The following SPATA16 variants were observed in gnomAD, a reference collection of about 807,000 sequenced individuals.
SPATA16 encodes the protein spermatogenesis associated 16.
Under a neutral mutation model 63.3 loss-of-function variants are expected in SPATA16, and 36 were observed. That is an observed-to-expected ratio of 0.57 (90% CI 0.44 to 0.75). SPATA16 has a LOEUF of 0.75. Ranked by LOEUF, SPATA16 falls within the 30% of genes least tolerant of loss-of-function variation. The pLI, the probability that SPATA16 is intolerant of heterozygous loss-of-function variation, is 0.00. For missense variants in SPATA16, 646 were observed against 679.3 expected (o/e 0.95, Z 0.54); for synonymous variants, 203 against 216.7 (o/e 0.94, Z 0.56).
chr3:173,132,357 A>G (rs1452154634), intron 1 of SPATA16, among the ~76,000 whole-genome samples: 1 of 152,212 alleles, frequency 6.6e-6, no homozygotes, highest in Admixed American at 6.5e-5. Flanking sequence ...AACAGAGTAT[A>G]GTTGGATCCC....
At chr3:173,132,080 G>A (rs1738401265) in intron 1 of SPATA16, among the ~76,000 whole-genome samples, 1 of 152,082 alleles carries the variant, frequency 6.6e-6, no homozygotes, top group Non-Finnish European at 1.5e-5. Flanking sequence ...TGACAAGAGA[G>A]TGAGAAATGA....
At chr3:172,914,593 A>T (rs998047741) in intron 9 of SPATA16, among the ~76,000 whole-genome samples, 6 of 152,156 alleles carry the variant, frequency 3.9e-5, no homozygotes, top group Non-Finnish European at 7.4e-5. Flanking sequence ...CATACAGGGT[A>T]TTACTAGGAT....
At chr3:172,964,350 C>G (rs999902424) in intron 5 of SPATA16, among the ~76,000 whole-genome samples, 2 of 152,166 alleles carry the variant, frequency 1.3e-5, no homozygotes, top group Non-Finnish European at 2.9e-5. Flanking sequence ...TCTATAGACC[C>G]TGAATAATTT....
At chr3:173,072,382 A>G (rs991009701) in intron 2 of SPATA16, among the ~76,000 whole-genome samples, 1 of 152,086 alleles carries the variant, frequency 6.6e-6, no homozygotes, top group Non-Finnish European at 1.5e-5. Flanking sequence ...ATGAATACAA[A>G]GGTGGTGATA....
chr3:172,960,875 C>CTTTCTTTTTTTCTTTCTT (rs139523157), intron 5 of SPATA16, among the ~76,000 whole-genome samples: 1 of 142,182 alleles, frequency 7.0e-6, no homozygotes, highest in African/African-American at 2.7e-5. Context: ...CTTTCTTTCT[C>CTTTCTTTTTTTCTTTCTT]TCTTTCTTTC....
At chr3:172,940,214 A>G (rs1577097875) in intron 6 of SPATA16, among the ~76,000 whole-genome samples, 1 of 152,332 alleles carries the variant, frequency 6.6e-6, no homozygotes, top group Non-Finnish European at 1.5e-5. Context: ...ATTACTGAAC[A>G]TGACGAGGGG....
At chr3:172,989,314 A>G (rs968067009) in intron 4 of SPATA16, among the ~76,000 whole-genome samples, 1 of 152,214 alleles carries the variant, frequency 6.6e-6, no homozygotes, top group Admixed American at 6.5e-5. Context: ...AAATCTTTCC[A>G]TCAATGACTT....
chr3:173,064,507 C>G lies in SPATA16; in HGVS notation c.613-15413G>C, dbSNP rs749656991. Among the ~76,000 whole-genome samples the G allele has an allele frequency of 2.0e-5, 3 of 152,204 alleles. No homozygotes were observed. The East Asian group carries it at 5.8e-4, about 29-fold the overall frequency. ...CATTAAAATACTGCAAAACAGACCA[C>G]TCAAAAACCCATTGACAACAATAAT... On this transcript the variant is annotated intron_variant, in intron 2 of 10. Coordinates refer to ENST00000351008, the MANE Select transcript of SPATA16 (RefSeq NM_031955.6).
rs1733966953 is a variant in SPATA16, at chr3:172,968,362, G to C, written c.933+8606C>G. 4.6e-5 allele frequency among the ~76,000 whole-genome samples: 7 copies of C among 152,308 alleles called. No individual in the cohort carries two copies. The South Asian group carries it at 1.4e-3, about 32-fold the overall frequency. On this transcript the variant is annotated intron_variant, in intron 5 of 10. Coordinates refer to ENST00000351008, the MANE Select transcript of SPATA16 (RefSeq NM_031955.6). ...AAGGCAAAAAACCTCCAGAGAGGTG[G>C]CATTGTGCTGAAATTCACACTGAGG...
chr3:173,082,528 C>T (rs73177035), intron 2 of SPATA16, among the ~76,000 whole-genome samples: 8,622 of 152,302 alleles, frequency 0.057, 316 homozygotes, highest in Non-Finnish European at 0.086. Flanking sequence ...TAAATAGTCA[C>T]CCATTGGTGG....
Position 172,924,198 on chromosome 3 carries a change from A to T in SPATA16, c.1338+10T>A. On this transcript the variant is annotated intron_variant, in intron 8 of 10. Coordinates refer to ENST00000351008, the MANE Select transcript of SPATA16 (RefSeq NM_031955.6). Reference sequence around the variant, plus strand: ...TACATTGGACAAATATAAAAGACTCATATACCTACATTCAATTGGGTGCTT... The same window carrying T: ...TACATTGGACAAATATAAAAGACTCTTATACCTACATTCAATTGGGTGCTT... The T allele has an allele frequency of 6.3e-7, 1 of 1,587,862 alleles. No homozygotes were observed. Among genetic ancestry groups the T allele is most frequent in the Non-Finnish European group, 8.6e-7 (1 of 1,156,912 alleles).
At chr3:172,889,789 A>G in intron 10 of SPATA16, 97 bp from the exon 11 acceptor site, 2 of 1,514,374 alleles carry the variant, frequency 1.3e-6, no homozygotes, top group Non-Finnish European at 1.8e-6. Context: ...AATGGCACAT[A>G]CAAATCCATG....
At chr3:173,002,898 C>T (rs1366532236) in intron 4 of SPATA16, among the ~76,000 whole-genome samples, 1 of 152,072 alleles carries the variant, frequency 6.6e-6, no homozygotes, top group Non-Finnish European at 1.5e-5. Context: ...CTCTCATACG[C>T]AGAAATCAAT....
At chr3:173,008,399 G>A (rs1251287887) in intron 4 of SPATA16, among the ~76,000 whole-genome samples, 1 of 151,902 alleles carries the variant, frequency 6.6e-6, no homozygotes, top group Admixed American at 6.6e-5. Context: ...CACTCTGTGG[G>A]ATCCGCAGCT....
chr3:173,025,941 G>T (rs57317439), intron 3 of SPATA16, among the ~76,000 whole-genome samples: 2,388 of 152,070 alleles, frequency 0.016, 61 homozygotes, highest in African/African-American at 0.055. Context: ...ATACAGGGGA[G>T]TGAGAATACT....
At position 173,117,673 on chromosome 3, in the gene SPATA16, T is replaced by C; in HGVS notation, c.59A>G (p.Gln20Arg). The part of the protein sequence containing the change: ...ENAVNRIYHD[Q>R]LVPKINTSKK... ...GCTTGTGTTTATCTTTGGAACAAGCTGATCATGATAGATCCTATTCACTGC... is the reference window on the plus strand; with the variant it reads ...GCTTGTGTTTATCTTTGGAACAAGCCGATCATGATAGATCCTATTCACTGC... The change falls in exon 2 of 11, where the codon CAG becomes CGG. Residue 20 changes from glutamine to arginine, a missense_variant. Transcript: ENST00000351008. The C allele has an allele frequency of 3.7e-6, 6 of 1,614,174 alleles. No homozygotes were observed. The highest frequency in any genetic ancestry group is 5.1e-6 in the Non-Finnish European group (6 of 1,180,002).
At chr3:173,011,547 G>A (rs1306868857) in intron 4 of SPATA16, among the ~76,000 whole-genome samples, 1 of 152,126 alleles carries the variant, frequency 6.6e-6, no homozygotes, top group East Asian at 1.9e-4. Context: ...TTCCCCTTAA[G>A]AAAAGGAAGA....
intron 4 of SPATA16, among the ~76,000 whole-genome samples, chr3:173,016,494 G>C (rs1289169662): frequency 1.3e-5 from 2 of 152,122 alleles, no homozygotes; most frequent in East Asian, 1.9e-4. Flanking sequence ...ATAAGATATG[G>C]GCTGATGCAT....
intron 2 of SPATA16, among the ~76,000 whole-genome samples, chr3:173,058,776 T>A (rs926307278): frequency 6.6e-6 from 1 of 151,988 alleles, no homozygotes; most frequent in East Asian, 1.9e-4. Flanking sequence ...TAATTAATTT[T>A]AAAAAATGTG....
Sources: gnomAD v4.1 joint callset for allele counts (sites outside exome capture counted in the v4.1 genomes callset) on GRCh38, gnomAD v4.1.1 for gene constraint, MANE v1.5 for transcripts, NCBI Gene and HGNC (gene_info 2026-07-23, HGNC 2026-07-21) for gene names.